Variants in GRM7 observed in about 807,000 individuals in gnomAD.
GRM7 encodes glutamate metabotropic receptor 7.
GRM7 carries 35 observed loss-of-function variants against 84.5 expected under a neutral mutation model. The ratio of observed to expected loss-of-function variants is 0.41; its 90% CI spans 0.32 to 0.55. The LOEUF is 0.55. Ranked by LOEUF, GRM7 falls within the 20% of genes least tolerant of loss-of-function variation. The pLI is 0.19. For missense variants in GRM7, 1,003 were observed against 1,194.6 expected (o/e 0.84, Z 2.36); for synonymous variants, 487 against 455.1 (o/e 1.07, Z -0.89).
At chr3:7,334,837 AT>A (rs1350373595) in intron 4 of GRM7, among the ~76,000 whole-genome samples, 1 of 152,202 alleles carries the variant, frequency 6.6e-6, no homozygotes, top group Non-Finnish European at 1.5e-5. Context: ...TTATTTAATG[AT>A]AAAAGGACTA....
At chr3:7,630,021 T>G in intron 8 of GRM7, among the ~76,000 whole-genome samples, 1 of 152,164 alleles carries the variant, frequency 6.6e-6, no homozygotes, top group Non-Finnish European at 1.5e-5. Flanking sequence ...CTCTTCAGAG[T>G]TGGAAACGAG....
In GRM7 at chr3:6,861,152, T is replaced by A. The variant is rs1332711908; in HGVS notation, c.-237T>A. The stretch of plus-strand genomic sequence containing the variant: ...TTGGAGAGAGCGAGCAGCAAGCCGG[T>A]GAGCGCGAGCGCGGCGCGCCGGCCG... On this transcript the variant is annotated 5_prime_UTR_variant, in exon 1 of 10. Transcript: ENST00000357716. This position sits in a 1 kb window ranked among gnomAD's most constrained non-coding sequence, Gnocchi z 6.4. The A allele has an allele frequency of 7.0e-6, 3 of 428,560 alleles. No homozygotes were observed. Among genetic ancestry groups the A allele is most frequent in the Non-Finnish European group, 1.2e-5 (3 of 245,576 alleles). The allele number at this position is 428,560 out of a possible 1,614,324, so 26.5% of individuals were successfully genotyped here.
intron 1 of GRM7, among the ~76,000 whole-genome samples, chr3:7,123,801 G>C (rs78326931): frequency 6.6e-6 from 1 of 152,122 alleles, no homozygotes; most frequent in Non-Finnish European, 1.5e-5. Flanking sequence ...ATATGCTTGT[G>C]TGAAATTCTC....
chr3:7,488,413 G>C (rs1000952076), intron 7 of GRM7, among the ~76,000 whole-genome samples: 1 of 152,130 alleles, frequency 6.6e-6, no homozygotes, highest in Non-Finnish European at 1.5e-5. Context: ...ACAGTGTTGG[G>C]AGGTGGTGCT....
At chr3:7,618,974 A>G (rs1347906215) in intron 8 of GRM7, among the ~76,000 whole-genome samples, 1 of 152,090 alleles carries the variant, frequency 6.6e-6, no homozygotes, top group African/African-American at 2.4e-5. Context: ...AAAAGAATTT[A>G]TTTTCAGAAA....
At chr3:7,022,845 G>A (rs929259181) in intron 1 of GRM7, among the ~76,000 whole-genome samples, 3 of 152,060 alleles carry the variant, frequency 2.0e-5, no homozygotes, top group Non-Finnish European at 4.4e-5. Flanking sequence ...ACTGACAAAA[G>A]GCAGATTAAT....
chr3:6,941,253 C>T (rs556913689), intron 1 of GRM7, among the ~76,000 whole-genome samples: 3 of 152,280 alleles, frequency 2.0e-5, no homozygotes, highest in East Asian at 1.9e-4. Context: ...AGGTATACGA[C>T]TTAGAACTGT....
intron 4 of GRM7, among the ~76,000 whole-genome samples, chr3:7,359,842 A>G (rs1295147094): frequency 6.7e-6 from 1 of 148,462 alleles, no homozygotes; most frequent in African/African-American, 2.6e-5. Context: ...TACACCGACA[A>G]TTCTTGTTTT....
At chr3:7,451,149 C>A (rs1254139311) in intron 5 of GRM7, among the ~76,000 whole-genome samples, 1 of 152,148 alleles carries the variant, frequency 6.6e-6, no homozygotes, top group African/African-American at 2.4e-5. Flanking sequence ...GTGGATAATT[C>A]TTCTTCATAG....
chr3:6,920,555 C>G (rs1309462416), intron 1 of GRM7, among the ~76,000 whole-genome samples: 1 of 141,500 alleles, frequency 7.1e-6, no homozygotes, highest in Non-Finnish European at 1.6e-5. Context: ...GACTCCATGT[C>G]AAAAAAAAAA....
chr3:7,498,932 G>C (rs1293436506), intron 7 of GRM7, among the ~76,000 whole-genome samples: 3 of 152,272 alleles, frequency 2.0e-5, no homozygotes, highest in African/African-American at 7.2e-5. Context: ...CTGCAATCTG[G>C]TTATTTATTG....
At position 6,947,535 on chromosome 3, in the gene GRM7, C is replaced by T. The variant is rs546404182; in HGVS notation, c.519+85628C>T. ...TTCTCTCTTTTTTGTTATGTCTCTG[C>T]CAGGCTTTGGCATTAGGATGATGCT... On this transcript the variant is annotated intron_variant, in intron 1 of 9. Transcript: ENST00000357716. Among the ~76,000 whole-genome samples the T allele has an allele frequency of 1.1e-4, 17 of 152,238 alleles. 1 individual carries two copies. The highest frequency in any genetic ancestry group is 4.1e-4 in the African/African-American group (17 of 41,552).
At chr3:6,888,343 T>C (rs1299630397) in intron 1 of GRM7, among the ~76,000 whole-genome samples, 3 of 152,218 alleles carry the variant, frequency 2.0e-5, no homozygotes, top group Non-Finnish European at 4.4e-5. Flanking sequence ...TAGGTTTTCT[T>C]CTAGGGTTTT....
intron 4 of GRM7, among the ~76,000 whole-genome samples, chr3:7,396,879 A>C (rs545926089): frequency 6.6e-6 from 1 of 152,134 alleles, no homozygotes; most frequent in South Asian, 2.1e-4. Context: ...AAATAGAAGA[A>C]CTTTATGGCA....
intron 7 of GRM7, among the ~76,000 whole-genome samples, chr3:7,484,691 G>C: frequency 6.6e-6 from 1 of 152,270 alleles, no homozygotes; most frequent in South Asian, 2.1e-4. Context: ...AATGTGCCTG[G>C]TATTAGTATG....
intron 9 of GRM7, among the ~76,000 whole-genome samples, chr3:7,702,068 C>A (rs1394047290): frequency 6.6e-6 from 1 of 152,170 alleles, no homozygotes; most frequent in Non-Finnish European, 1.5e-5. Flanking sequence ...AATTCTTCTT[C>A]CTACTTTCCT....
At chr3:7,259,721 C>T (rs1698338386) in intron 2 of GRM7, among the ~76,000 whole-genome samples, 1 of 152,250 alleles carries the variant, frequency 6.6e-6, no homozygotes, top group Middle Eastern at 3.4e-3. Flanking sequence ...CATGTCTTTG[C>T]TATTGTGAAT....
chr3:7,310,609 C>T (rs891027782), intron 4 of GRM7, among the ~76,000 whole-genome samples: 3 of 152,106 alleles, frequency 2.0e-5, no homozygotes, highest in Admixed American at 1.3e-4. Context: ...CTAAGCAATG[C>T]GTATGTCTTT....
intron 2 of GRM7, among the ~76,000 whole-genome samples, chr3:7,211,897 C>G (rs1278941751): frequency 6.6e-6 from 1 of 151,990 alleles, no homozygotes; most frequent in Non-Finnish European, 1.5e-5. Flanking sequence ...TTGACTTCCC[C>G]GACTTGGTGT....
Sources: gnomAD v4.1 joint callset for allele counts (sites outside exome capture counted in the v4.1 genomes callset) on GRCh38, gnomAD v4.1.1 for gene constraint, Gnocchi (gnomAD v3.1) non-coding constraint, MANE v1.5 for transcripts, NCBI Gene and HGNC (gene_info 2026-07-23, HGNC 2026-07-21) for gene names.